The following IGF2R variants were observed in gnomAD, a reference collection of about 807,000 sequenced individuals.
The protein encoded by IGF2R is insulin like growth factor 2 receptor.
Under a neutral mutation model 270.6 loss-of-function variants are expected in IGF2R, and 91 were observed. That is an observed-to-expected ratio of 0.34 (90% confidence interval 0.28 to 0.40). The LOEUF (loss-of-function observed/expected upper bound fraction) is 0.40, where lower values mean the gene tolerates loss of function less well. IGF2R is among the 10% of genes least tolerant of loss of function. The pLI, the probability that IGF2R is intolerant of heterozygous loss-of-function variation, is 1.00. For missense variants in IGF2R, 2,805 were observed against 3,188.3 expected (o/e 0.88, Z 2.90); for synonymous variants, 1,316 against 1,258.9 (o/e 1.05, Z -0.96).
At chr6:160,010,059 A>T (rs1784309422) in intron 3 of IGF2R, among the ~76,000 whole-genome samples, 1 of 152,322 alleles carries the variant, frequency 6.6e-6, no homozygotes, top group South Asian at 2.1e-4. Context: ...TCCTGTTTTA[A>T]CTTCAGCTAA....
chr6:160,089,352 T>A (rs1779167908), intron 43 of IGF2R, 99 bp downstream of exon 43: 1 of 1,111,460 alleles, frequency 9.0e-7, no homozygotes, highest in Non-Finnish European at 1.3e-6. Context: ...GATAAATAGG[T>A]CTGTGTTTTA....
At chr6:159,979,114 C>T (rs999813392) in intron 1 of IGF2R, among the ~76,000 whole-genome samples, 4 of 152,200 alleles carry the variant, frequency 2.6e-5, no homozygotes, top group Non-Finnish European at 5.9e-5. Flanking sequence ...CCACCTTCTT[C>T]ATGCCTGCTG....
intron 1 of IGF2R, among the ~76,000 whole-genome samples, chr6:159,979,811 C>G (rs932023082): frequency 6.6e-6 from 1 of 152,158 alleles, no homozygotes; most frequent in African/African-American, 2.4e-5. Context: ...GGAGGATTAG[C>G]TGTGGCCAGA....
At chr6:159,978,672 C>T (rs1039386312) in intron 1 of IGF2R, among the ~76,000 whole-genome samples, 2 of 151,804 alleles carry the variant, frequency 1.3e-5, no homozygotes, top group Admixed American at 6.6e-5. Flanking sequence ...AAAGTACGGT[C>T]GTTTAGGTTT....
At position 160,064,878 on chromosome 6, in the gene IGF2R, C is replaced by A. The variant is rs368320741; in HGVS notation, c.4092C>A (p.Phe1364Leu). 4.3e-6 allele frequency: 7 copies of A among 1,611,230 alleles called. No individual in the cohort carries two copies. The highest frequency in any genetic ancestry group is 5.9e-6 in the Non-Finnish European group (7 of 1,177,296). ...GAACGCAGTATGCCTGCCCACCTTTCGATCTGACTGAATGTTCATTCAAGT... is the reference window on the plus strand; with the variant it reads ...GAACGCAGTATGCCTGCCCACCTTTAGATCTGACTGAATGTTCATTCAAGT... ...EWRTQYACPP[F>L]DLTECSFKDG... The change falls in exon 29 of 48, where the codon TTC becomes TTA. Residue 1364 changes from phenylalanine to leucine, a missense_variant. Transcript: ENST00000356956.
chr6:160,037,771 T>C (rs1355335860), intron 10 of IGF2R, among the ~76,000 whole-genome samples: 2 of 152,186 alleles, frequency 1.3e-5, no homozygotes, highest in Non-Finnish European at 2.9e-5. Context: ...AGTTCAGTGC[T>C]AGTCTTTGGG....
At chr6:159,982,785 T>C (rs1783825815) in intron 1 of IGF2R, among the ~76,000 whole-genome samples, 1 of 152,256 alleles carries the variant, frequency 6.6e-6, no homozygotes, top group South Asian at 2.1e-4. Context: ...AGAGTGATAC[T>C]TCATGGAGAT....
chr6:160,033,390 C>G lies in IGF2R; in HGVS notation c.1211+283C>G, dbSNP rs114148309. 4.8e-3 allele frequency among the ~76,000 whole-genome samples: 736 copies of G among 152,348 alleles called. 5 individuals are homozygous for G. The highest frequency in any genetic ancestry group is 0.017 in the African/African-American group (702 of 41,586). ...TGCCTCGGTGATCCTCCCACATTGG[C>G]CTCCCAAAGTGCGTGGATTAGAGGC... On this transcript the variant is annotated intron_variant, in intron 9 of 47. Coordinates refer to ENST00000356956, the MANE Select transcript of IGF2R (RefSeq NM_000876.4).
chr6:160,053,239 G>A (rs747762373), intron 19 of IGF2R, among the ~76,000 whole-genome samples: 3 of 152,102 alleles, frequency 2.0e-5, no homozygotes, highest in Non-Finnish European at 2.9e-5. Flanking sequence ...TTGGACACAC[G>A]GTGGGGAACA....
intron 4 of IGF2R, among the ~76,000 whole-genome samples, chr6:160,016,026 T>C (rs1313183107): frequency 6.6e-6 from 1 of 152,212 alleles, no homozygotes; most frequent in Non-Finnish European, 1.5e-5. Flanking sequence ...TGTGAGCCAG[T>C]TAAACTTCTT....
At chr6:160,098,244 T>C (rs600324) in intron 45 of IGF2R, among the ~76,000 whole-genome samples, 138,859 of 152,122 alleles carry the variant, frequency 0.91, 63,527 homozygotes, top group African/African-American at 0.98. Context: ...GGAAAAGCAC[T>C]GTTTATAGGG....
Position 160,106,968 on chromosome 6 carries a change from T to TGGAAGCA in IGF2R, c.*1890_*1896dup, listed in dbSNP as rs1347674073. ...CAGCAGTGACTGAGAGCTACCTGCA[T>TGGAAGCA]GGAAGCAGGAAGTTACTCCAGTGTT... On this transcript the variant is annotated 3_prime_UTR_variant, in exon 48 of 48. Transcript: ENST00000356956. The TGGAAGCA allele has an allele frequency of 6.6e-6, 1 of 152,264 alleles. No homozygotes were observed. Among genetic ancestry groups the TGGAAGCA allele is most frequent in the African/African-American group, 2.4e-5 (1 of 41,462 alleles). The allele number at this position is 152,264 out of a possible 1,614,324, so 9.4% of individuals were successfully genotyped here. A position where few individuals can be genotyped will look rare whatever the true frequency, so the allele number is the denominator to read the frequency against.
intron 10 of IGF2R, among the ~76,000 whole-genome samples, chr6:160,039,136 T>TAA (rs1777886979): frequency 6.6e-6 from 1 of 152,202 alleles, no homozygotes. Context: ...GTGAACATCA[T>TAA]AGAGTGTACT....
chr6:159,977,051 C>T (rs553772071), intron 1 of IGF2R, among the ~76,000 whole-genome samples: 2 of 152,328 alleles, frequency 1.3e-5, no homozygotes, highest in East Asian at 3.9e-4. Flanking sequence ...CCAGTTCTCC[C>T]ATGGTTCAGA....
rs1357121580 is a variant in IGF2R at position 160,012,767 on chromosome 6, TTTTTTTTTTTTG to T, written c.513+1986_513+1997del. On this transcript the variant is annotated intron_variant, in intron 4 of 47. Coordinates refer to ENST00000356956, the MANE Select transcript of IGF2R (RefSeq NM_000876.4). ...AATTTATATATATATATATATATTT[TTTTTTTTTTTTG>T]TTTGTTTGTTTGTTTATTTGTTTGT... is the stretch of plus-strand genomic sequence containing the variant. 7.5e-5 allele frequency among the ~76,000 whole-genome samples: 5 copies of T among 66,706 alleles called. 1 individual carries two copies. In the East Asian group the frequency reaches 1.7e-3, roughly 22 times the overall value. 43.8% of individuals were successfully genotyped at this position (66,706 alleles called of 152,430 possible).
Position 160,109,934 on chromosome 6 carries a change from C to T in IGF2R, c.*4850C>T, listed in dbSNP as rs1200951839. The T allele has an allele frequency of 1.3e-5, 2 of 152,304 alleles. No homozygotes were observed. The highest frequency in any genetic ancestry group is 1.9e-4 in the East Asian group (1 of 5,190). The allele number at this position is 152,304 out of a possible 1,614,324, so 9.4% of individuals were successfully genotyped here. On this transcript the variant is annotated 3_prime_UTR_variant, in exon 48 of 48. Transcript: ENST00000356956. ...TGGATTGTCATATAGAAACATTTTT[C>T]GCAGTGTGCCCCGTGGAACACTTGT...
At chr6:160,068,161 T>C (rs927579575) in intron 29 of IGF2R, 88 bp from the exon 30 acceptor site, 2 of 1,491,034 alleles carry the variant, frequency 1.3e-6, no homozygotes, top group Non-Finnish European at 1.8e-6. Context: ...AGACTATGCC[T>C]GAATACTTGA....
intron 5 of IGF2R, among the ~76,000 whole-genome samples, chr6:160,025,379 T>TA (rs1777537690): frequency 6.6e-6 from 1 of 152,222 alleles, no homozygotes; most frequent in Non-Finnish European, 1.5e-5. Flanking sequence ...TAGCCATGAG[T>TA]AAATTCTGCT....
chr6:160,030,981 A>G (rs910987253), intron 7 of IGF2R, among the ~76,000 whole-genome samples: 2 of 152,130 alleles, frequency 1.3e-5, no homozygotes, highest in Admixed American at 1.3e-4. Flanking sequence ...AGCTGGGACT[A>G]CAGGCATGTG....
Sources: gnomAD v4.1 joint callset for allele counts (sites outside exome capture counted in the v4.1 genomes callset) on GRCh38, gnomAD v4.1.1 for gene constraint, MANE v1.5 for transcripts, NCBI Gene and HGNC (gene_info 2026-07-23, HGNC 2026-07-21) for gene names.